Variants in SEPTIN14 observed in about 807,000 individuals in gnomAD.
SEPTIN14 encodes the protein septin-14.
SEPTIN14 carries 40 observed loss-of-function variants against 53.6 expected under a neutral mutation model. The ratio of observed to expected loss-of-function variants is 0.75; its 90% CI spans 0.58 to 0.97. The LOEUF is 0.97. SEPTIN14 is among the 50% of genes least tolerant of loss of function. SEPTIN14 has a pLI of 0.00. For missense variants in SEPTIN14, 471 were observed against 508.2 expected (o/e 0.93, Z 0.70); for synonymous variants, 138 against 166.8 (o/e 0.83, Z 1.33).
intron 2 of SEPTIN14, among the ~76,000 whole-genome samples, chr7:55,854,522 C>T (rs148673327): frequency 0.014 from 2,140 of 152,074 alleles, 60 homozygotes; most frequent in African/African-American, 0.048. Context: ...CTCCGCCTCC[C>T]GGGTTCACGC....
At chr7:55,845,054 G>T (rs1463141809) in intron 3 of SEPTIN14, among the ~76,000 whole-genome samples, 1 of 151,916 alleles carries the variant, frequency 6.6e-6, no homozygotes, top group East Asian at 1.9e-4. Flanking sequence ...TATTTTATCT[G>T]ATCCTCTCCC....
intron 9 of SEPTIN14, among the ~76,000 whole-genome samples, chr7:55,799,232 G>A (rs991122623): frequency 4.0e-5 from 6 of 151,166 alleles, no homozygotes; most frequent in African/African-American, 9.7e-5. Context: ...ATGGCTGGGC[G>A]CAGTGGCTCA....
chr7:55,815,151 A>G (rs2115983131), intron 7 of SEPTIN14, among the ~76,000 whole-genome samples: 1 of 152,326 alleles, frequency 6.6e-6, no homozygotes, highest in East Asian at 1.9e-4. Flanking sequence ...ATCAAAATGG[A>G]TTAAAGACTT....
intron 6 of SEPTIN14, among the ~76,000 whole-genome samples, chr7:55,830,611 G>A (rs1422001913): frequency 6.6e-6 from 1 of 150,450 alleles, no homozygotes; most frequent in Admixed American, 6.6e-5. Flanking sequence ...CCAAAGTGCT[G>A]AGATTACAGG....
intron 9 of SEPTIN14, among the ~76,000 whole-genome samples, chr7:55,800,854 A>G (rs1031730788): frequency 2.0e-5 from 3 of 152,200 alleles, no homozygotes; most frequent in Admixed American, 6.6e-5. Flanking sequence ...TTGTAACACA[A>G]AGGACAAATG....
intron 6 of SEPTIN14, among the ~76,000 whole-genome samples, chr7:55,831,557 T>C (rs1789109442): frequency 6.6e-6 from 1 of 152,192 alleles, no homozygotes; most frequent in African/African-American, 2.4e-5. Context: ...TTCTAGATAT[T>C]GGCCTAGGAA....
chr7:55,820,602 T>C (rs1164854150), intron 6 of SEPTIN14, among the ~76,000 whole-genome samples: 1 of 152,146 alleles, frequency 6.6e-6, no homozygotes. Flanking sequence ...GGCTTTTAAG[T>C]AGAGAAGCTA....
intron 7 of SEPTIN14, among the ~76,000 whole-genome samples, chr7:55,808,781 A>G (rs1392137145): frequency 6.6e-6 from 1 of 152,094 alleles, no homozygotes; most frequent in Non-Finnish European, 1.5e-5. Context: ...CGAACTCCTG[A>G]CCTCAGGTGA....
At position 55,834,543 on chromosome 7, in the gene SEPTIN14, T is replaced by C; in HGVS notation, c.602A>G (p.Lys201Arg). ...PLIAKADTIS[K>R]NDLQTFKNKI... ...ATTCTTAAACGTCTGTAAATCATTTTTAGAAATAGTGTCTGCTTTGGCAAT... is the reference window on the plus strand; with the variant it reads ...ATTCTTAAACGTCTGTAAATCATTTCTAGAAATAGTGTCTGCTTTGGCAAT... The change falls in exon 6 of 10, where the codon AAA becomes AGA. Residue 201 changes from lysine to arginine, a missense_variant. Physicochemically the swap from Lys to Arg is conservative, Grantham distance 26 (BLOSUM62 2). Transcript: ENST00000388975. 1 of 1,611,684 alleles carries C rather than the reference T, an allele frequency of 6.2e-7. No homozygotes were observed. The highest frequency in any genetic ancestry group is 8.5e-7 in the Non-Finnish European group (1 of 1,178,156).
At chr7:55,835,000 T>G (rs746734582) in intron 5 of SEPTIN14, among the ~76,000 whole-genome samples, 2 of 152,124 alleles carry the variant, frequency 1.3e-5, no homozygotes, top group Admixed American at 6.5e-5. Flanking sequence ...ATTGCATAAC[T>G]AGGTAATCAC....
At chr7:55,820,755 C>T (rs1015050756) in intron 6 of SEPTIN14, among the ~76,000 whole-genome samples, 3 of 152,058 alleles carry the variant, frequency 2.0e-5, no homozygotes, top group Non-Finnish European at 4.4e-5. Flanking sequence ...GCCTTGCCAA[C>T]ATGGTAAAAC....
At chr7:55,808,692 C>T (rs1289419376) in intron 7 of SEPTIN14, among the ~76,000 whole-genome samples, 1 of 152,112 alleles carries the variant, frequency 6.6e-6, no homozygotes, top group African/African-American at 2.4e-5. Flanking sequence ...GCTGGGATTA[C>T]AGAAGTCCAC....
chr7:55,807,294 G>A lies in SEPTIN14; in HGVS notation c.818-36C>T, dbSNP rs367593422. On this transcript the variant is annotated intron_variant, in intron 7 of 9. Transcript: ENST00000388975. ...AATAATAATGAATCAACAACATTCA[G>A]TATCAATCCCTGACAATCAGTAAGT... The A allele has an allele frequency of 3.7e-6, 5 of 1,365,800 alleles. No homozygotes were observed. The African/African-American group carries it at 5.8e-5, about 16-fold the overall frequency. 84.6% of individuals were successfully genotyped at this position (1,365,800 alleles called of 1,614,324 possible). A position where few individuals can be genotyped will look rare whatever the true frequency, so the allele number is the denominator to read the frequency against.
chr7:55,821,436 C>T (rs1309883783), intron 6 of SEPTIN14, among the ~76,000 whole-genome samples: 1 of 152,090 alleles, frequency 6.6e-6, no homozygotes, highest in Admixed American at 6.6e-5. Flanking sequence ...AGAAACAGGC[C>T]ATGAAATGGA....
chr7:55,837,109 C>CTT (rs36026647), intron 5 of SEPTIN14, among the ~76,000 whole-genome samples: 28 of 141,018 alleles, frequency 2.0e-4, no homozygotes, highest in South Asian at 1.1e-3. Context: ...TACTTTTAAC[C>CTT]TTTTTTTTTT....
chr7:55,831,757 A>G (rs1789111650), intron 6 of SEPTIN14, among the ~76,000 whole-genome samples: 1 of 152,210 alleles, frequency 6.6e-6, no homozygotes, highest in African/African-American at 2.4e-5. Flanking sequence ...AAAGAACACA[A>G]ACAACTCAAC....
At chr7:55,856,620 T>C (rs1221980110) in intron 2 of SEPTIN14, among the ~76,000 whole-genome samples, 1 of 151,888 alleles carries the variant, frequency 6.6e-6, no homozygotes, top group Non-Finnish European at 1.5e-5. Flanking sequence ...CTCAAACTCC[T>C]GACCTCAGGT....
chr7:55,847,270 T>C (rs1789431281), intron 2 of SEPTIN14, among the ~76,000 whole-genome samples: 2 of 152,070 alleles, frequency 1.3e-5, no homozygotes, highest in African/African-American at 4.8e-5. Context: ...TCTAATGTAT[T>C]ACTGTAACAT....
chr7:55,801,674 G>A (rs1489294396), intron 9 of SEPTIN14, among the ~76,000 whole-genome samples: 1 of 152,076 alleles, frequency 6.6e-6, no homozygotes, highest in Non-Finnish European at 1.5e-5. Context: ...AATCCCAGCA[G>A]TTTAGGAGGC....
Sources: allele counts gnomAD v4.1 joint callset (sites outside exome capture counted in the v4.1 genomes callset), GRCh38; gene constraint gnomAD v4.1.1; transcripts MANE v1.5; gene names NCBI Gene and HGNC (gene_info 2026-07-23, HGNC 2026-07-21).